Variants in ZFAT observed in about 807,000 individuals in gnomAD.
ZFAT encodes zinc finger protein ZFAT.
ZFAT carries 64 observed loss-of-function variants against 117.7 expected under a neutral mutation model. That is an observed-to-expected ratio of 0.54 (90% CI 0.44 to 0.67). The LOEUF (loss-of-function observed/expected upper bound fraction) is 0.67. ZFAT is among the 30% of genes least tolerant of loss of function. The pLI, the probability that ZFAT is intolerant of heterozygous loss-of-function variation, is 0.00. For missense variants in ZFAT, 1,433 were observed against 1,584.5 expected (o/e 0.90, Z 1.62); for synonymous variants, 679 against 615.0 (o/e 1.10, Z -1.54).
intron 11 of ZFAT, among the ~76,000 whole-genome samples, chr8:134,547,148 A>G (rs1360780539): frequency 6.6e-6 from 1 of 152,210 alleles, no homozygotes; most frequent in African/African-American, 2.4e-5. Context: ...AAGTTCATGC[A>G]GTTAGTCACC....
At chr8:134,655,517 G>A (rs1831543216) in intron 2 of ZFAT, among the ~76,000 whole-genome samples, 1 of 151,932 alleles carries the variant, frequency 6.6e-6, no homozygotes, top group Non-Finnish European at 1.5e-5. Context: ...GTGTGGTGGC[G>A]GGTGCCTGTA....
chr8:134,645,919 T>C (rs1478999252), intron 2 of ZFAT, among the ~76,000 whole-genome samples: 2 of 152,098 alleles, frequency 1.3e-5, no homozygotes, highest in African/African-American at 4.8e-5. Context: ...TTAAAAGAAC[T>C]GAGCCAGGCG....
intron 1 of ZFAT, among the ~76,000 whole-genome samples, chr8:134,696,920 ATT>A (rs35879552): frequency 4.8e-5 from 7 of 144,626 alleles, no homozygotes; most frequent in Admixed American, 2.1e-4. Context: ...TAATCCAACA[ATT>A]TTTTTTTTTT....
At chr8:134,831,044 A>G in the ZFAT span, among the ~76,000 whole-genome samples, 7 of 152,244 alleles carry the variant, frequency 4.6e-5, no homozygotes, top group African/African-American at 1.7e-4. Context: ...CACCGGGTCA[A>G]TGCGATTACT....
At chr8:134,544,091 A>C (rs1310798844) in intron 11 of ZFAT, among the ~76,000 whole-genome samples, 1 of 151,880 alleles carries the variant, frequency 6.6e-6, no homozygotes, top group Non-Finnish European at 1.5e-5. Context: ...CCCTACCTTC[A>C]CCCTGAAATT....
intron 11 of ZFAT, among the ~76,000 whole-genome samples, chr8:134,555,293 C>G (rs546489006): frequency 6.6e-6 from 1 of 152,204 alleles, no homozygotes; most frequent in African/African-American, 2.4e-5. Context: ...TGTAAGTACC[C>G]TCTGCCTAGC....
rs139693299 is a variant in ZFAT at position 134,510,283 on chromosome 8, C to T, written c.3362-534G>A. The T allele has an allele frequency of 1.1e-3, 436 of 400,984 alleles. 2 individuals carry two copies. The highest frequency in any genetic ancestry group is 6.7e-3 in the African/African-American group (325 of 48,530). The allele number at this position is 400,984 out of a possible 1,614,324, so 24.8% of individuals were successfully genotyped here. A position where few individuals can be genotyped will look rare whatever the true frequency, so the allele number is the denominator to read the frequency against. On this transcript the variant is annotated intron_variant, in intron 14 of 15. Coordinates refer to ENST00000377838, the MANE Select transcript of ZFAT (RefSeq NM_020863.4). ...GTTCTATTTTAACCATCTCTAAAGA[C>T]GGGATTCTGCATCATCAGGCAGCTA...
the ZFAT span, among the ~76,000 whole-genome samples, chr8:134,783,015 C>T: frequency 6.6e-6 from 1 of 151,708 alleles, no homozygotes; most frequent in East Asian, 1.9e-4. Context: ...TTATTTTCAA[C>T]ATATGTTGAA....
At chr8:134,521,434 A>C (rs535810322) in intron 12 of ZFAT, among the ~76,000 whole-genome samples, 1 of 152,338 alleles carries the variant, frequency 6.6e-6, no homozygotes, top group Admixed American at 6.5e-5. Flanking sequence ...CACTAAGACC[A>C]GGAGCCTGAT....
At chr8:134,659,368 T>A (rs1831816472) in intron 1 of ZFAT, among the ~76,000 whole-genome samples, 1 of 152,204 alleles carries the variant, frequency 6.6e-6, no homozygotes, top group East Asian at 1.9e-4. Flanking sequence ...GTGAGAGCAG[T>A]GGCCCACCCC....
chr8:134,524,215 G>A (rs115648751), intron 12 of ZFAT, among the ~76,000 whole-genome samples: 33 of 152,202 alleles, frequency 2.2e-4, no homozygotes, highest in African/African-American at 7.2e-4. Flanking sequence ...AGTGTTATCC[G>A]AGGGCCTGCC....
intron 1 of ZFAT, among the ~76,000 whole-genome samples, chr8:134,672,827 GA>G (rs1832623810): frequency 2.0e-5 from 3 of 152,124 alleles, no homozygotes; most frequent in Admixed American, 1.3e-4. Flanking sequence ...TTCAAAGGAA[GA>G]AAAACTGGCA....
chr8:134,706,111 T>TA (rs1445806104), intron 1 of ZFAT, among the ~76,000 whole-genome samples: 1 of 152,192 alleles, frequency 6.6e-6, no homozygotes, highest in Non-Finnish European at 1.5e-5. Context: ...GGAAGTTTCT[T>TA]AAAAAGATAA....
At chr8:134,813,949 C>T in the ZFAT span, among the ~76,000 whole-genome samples, 1 of 151,982 alleles carries the variant, frequency 6.6e-6, no homozygotes, top group Admixed American at 6.6e-5. Context: ...CAATTATGAA[C>T]ATTCTTTGTG....
intron 15 of ZFAT, among the ~76,000 whole-genome samples, chr8:134,487,690 C>T (rs1817749031): frequency 6.6e-6 from 1 of 152,190 alleles, no homozygotes; most frequent in Non-Finnish European, 1.5e-5. Context: ...GCTGGTCCAC[C>T]ATCTTTTCCC....
chr8:134,732,181 AC>A, the ZFAT span, among the ~76,000 whole-genome samples: 388 of 152,334 alleles, frequency 2.5e-3, 2 homozygotes, highest in African/African-American at 8.4e-3. Flanking sequence ...TCTGCTGCTG[AC>A]AGCCAGGGCT....
chr8:134,786,423 T>G, the ZFAT span, among the ~76,000 whole-genome samples: 4 of 152,222 alleles, frequency 2.6e-5, no homozygotes, highest in Non-Finnish European at 5.9e-5. Context: ...CGTTTATTCA[T>G]CTATTAAGAG....
intron 13 of ZFAT, among the ~76,000 whole-genome samples, chr8:134,517,957 C>T (rs552306832): frequency 1.8e-4 from 27 of 152,274 alleles, no homozygotes; most frequent in Non-Finnish European, 3.5e-4. Flanking sequence ...ACCTCTACTG[C>T]TTGGTGAAGG....
chr8:134,638,476 T>C (rs866044784), intron 2 of ZFAT, among the ~76,000 whole-genome samples: 3 of 147,202 alleles, frequency 2.0e-5, no homozygotes, highest in African/African-American at 5.0e-5. Flanking sequence ...GAGGCCGAGG[T>C]GGGCGGATCA....
Sources: allele counts gnomAD v4.1 joint callset (sites outside exome capture counted in the v4.1 genomes callset), GRCh38; gene constraint gnomAD v4.1.1; transcripts MANE v1.5; gene names NCBI Gene and HGNC (gene_info 2026-07-23, HGNC 2026-07-21).